Variants in CCDC171 observed in about 807,000 individuals in gnomAD.
CCDC171 encodes coiled-coil domain containing 171.
Under a neutral mutation model 168.2 loss-of-function variants are expected in CCDC171, and 177 were observed. That is an observed-to-expected ratio of 1.05 (90% CI 0.93 to 1.19). The LOEUF is 1.19. CCDC171 is among the 50% of genes most tolerant of loss of function. The pLI is 0.00. For missense variants in CCDC171, 1,991 were observed against 1,539.0 expected (o/e 1.29, Z -4.91); for synonymous variants, 687 against 540.8 (o/e 1.27, Z -3.75).
In CCDC171 at chr9:15,874,386, G is replaced by C. The variant is rs1003391175; in HGVS notation, c.3469-146G>C. The C allele has an allele frequency of 1.7e-4, 99 of 582,878 alleles. 1 individual carries two copies. Among genetic ancestry groups the C allele is most frequent in the South Asian group, 1.0e-3 (22 of 21,922 alleles). 36.1% of individuals were successfully genotyped at this position (582,878 alleles called of 1,614,324 possible). On this transcript the variant is annotated intron_variant, in intron 23 of 25. Transcript: ENST00000380701. Reference sequence around the variant, plus strand: ...TCTGAATTAGAGATTTATTTGCAACGAAAAATCAATTAGTCCTAAATTTAT... The same window carrying C: ...TCTGAATTAGAGATTTATTTGCAACCAAAAATCAATTAGTCCTAAATTTAT...
chr9:15,575,544 A>G (rs1450835134), intron 3 of CCDC171, among the ~76,000 whole-genome samples: 2 of 152,166 alleles, frequency 1.3e-5, no homozygotes, highest in Non-Finnish European at 1.5e-5. Context: ...GCTTGAAGAT[A>G]TTGTCTGACC....
chr9:15,694,603 C>G lies in CCDC171; in HGVS notation c.1216-632C>G, dbSNP rs144018898. 4.3e-4 allele frequency among the ~76,000 whole-genome samples: 66 copies of G among 152,324 alleles called. No individual in the cohort carries two copies. In the East Asian group the frequency reaches 0.012, roughly 28 times the overall value. Reference sequence around the variant, plus strand: ...CTAACTTAAATCTTGGGATCAGTCTCAACTCTTCTTTTTCTGCGTACTTCC... The same window carrying G: ...CTAACTTAAATCTTGGGATCAGTCTGAACTCTTCTTTTTCTGCGTACTTCC... On this transcript the variant is annotated intron_variant, in intron 10 of 25. Coordinates refer to ENST00000380701, the MANE Select transcript of CCDC171 (RefSeq NM_173550.4).
intron 3 of CCDC171, among the ~76,000 whole-genome samples, chr9:15,999,689 G>A (rs927996786): frequency 6.6e-6 from 1 of 152,128 alleles, no homozygotes; most frequent in East Asian, 1.9e-4. Context: ...CCTCCATCTG[G>A]ACACTTCATG....
chr9:15,672,954 C>A (rs2049232301), intron 9 of CCDC171, among the ~76,000 whole-genome samples: 1 of 152,292 alleles, frequency 6.6e-6, no homozygotes, highest in African/African-American at 2.4e-5. Context: ...GCAGTATAGC[C>A]ATTTTCATGA....
At chr9:15,687,496 C>G (rs78352528) in intron 10 of CCDC171, among the ~76,000 whole-genome samples, 4,249 of 150,448 alleles carry the variant, frequency 0.028, 196 homozygotes, top group African/African-American at 0.099. Context: ...GAAGAGCAAA[C>G]TAAACCCAAA....
chr9:16,033,689 C>T (rs1833408224), intron 6 of CCDC171, among the ~76,000 whole-genome samples: 1 of 152,142 alleles, frequency 6.6e-6, no homozygotes, highest in Middle Eastern at 3.4e-3. Flanking sequence ...TCCCCCTACC[C>T]CCCACCCCCT....
At chr9:15,724,731 G>C in intron 13 of CCDC171, 45 bp from the exon 14 acceptor site, 1 of 1,390,056 alleles carries the variant, frequency 7.2e-7, no homozygotes, top group Non-Finnish European at 1.0e-6. Flanking sequence ...CTCACCCCTT[G>C]TTGGCTGGCC....
intron 25 of CCDC171, among the ~76,000 whole-genome samples, chr9:15,956,782 G>T (rs1436880755): frequency 5.3e-5 from 8 of 152,102 alleles, no homozygotes; most frequent in Non-Finnish European, 1.2e-4. Flanking sequence ...GTCCATAAGT[G>T]CATGTTTATG....
intron 1 of CCDC171, among the ~76,000 whole-genome samples, chr9:16,056,376 G>A (rs1236370297): frequency 6.6e-6 from 1 of 152,244 alleles, no homozygotes; most frequent in East Asian, 1.9e-4. Flanking sequence ...GTATGACTGA[G>A]AAACTGGATT....
chr9:15,645,153 A>T (rs1023721215), intron 7 of CCDC171, among the ~76,000 whole-genome samples: 1 of 152,254 alleles, frequency 6.6e-6, no homozygotes, highest in African/African-American at 2.4e-5. Context: ...GACCTCCAGC[A>T]AACTCCAACA....
chr9:16,092,485 C>A, the CCDC171 span, among the ~76,000 whole-genome samples: 7 of 152,288 alleles, frequency 4.6e-5, no homozygotes, highest in East Asian at 1.4e-3. Flanking sequence ...TGCTCCACTT[C>A]CCCCTTTGTT....
chr9:16,055,620 A>C (rs528135742), intron 1 of CCDC171, among the ~76,000 whole-genome samples: 12 of 152,348 alleles, frequency 7.9e-5, no homozygotes, highest in Non-Finnish European at 1.3e-4. Flanking sequence ...CTTCTGCGTT[A>C]GCTTTTGGCA....
intron 24 of CCDC171, among the ~76,000 whole-genome samples, chr9:15,908,177 A>G (rs9650686): frequency 0.41 from 62,111 of 151,552 alleles, 12,889 homozygotes; most frequent in Non-Finnish European, 0.44. Flanking sequence ...AGGACTATAA[A>G]TCATGCTGCT....
At chr9:16,072,920 A>T in the CCDC171 span, among the ~76,000 whole-genome samples, 17 of 152,320 alleles carry the variant, frequency 1.1e-4, no homozygotes, top group South Asian at 3.5e-3. Context: ...CACCTTTGTT[A>T]TTCCTGCTAT....
intron 7 of CCDC171, among the ~76,000 whole-genome samples, chr9:15,649,084 A>T (rs904612016): frequency 2.0e-5 from 3 of 152,218 alleles, no homozygotes; most frequent in African/African-American, 7.2e-5. Context: ...AGCTCTCAGA[A>T]GTAATACCAC....
At chr9:15,742,248 G>C (rs1000480890) in intron 16 of CCDC171, among the ~76,000 whole-genome samples, 5 of 152,030 alleles carry the variant, frequency 3.3e-5, no homozygotes, top group African/African-American at 4.8e-5. Flanking sequence ...TAAGAATAGG[G>C]ACAGTTCCAG....
chr9:15,823,359 G>A (rs1391910433), intron 21 of CCDC171, among the ~76,000 whole-genome samples: 1 of 151,816 alleles, frequency 6.6e-6, no homozygotes. Context: ...AAGGTATATT[G>A]TCTTGCCTTG....
intron 6 of CCDC171, among the ~76,000 whole-genome samples, chr9:15,603,502 G>A (rs1164486452): frequency 1.3e-5 from 2 of 152,098 alleles, no homozygotes; most frequent in Admixed American, 1.3e-4. Context: ...AGAACATGCG[G>A]TATTTCGTTT....
intron 18 of CCDC171, chr9:15,776,279 G>A (rs2057323546): frequency 6.6e-6 from 1 of 152,128 alleles, no homozygotes; most frequent in East Asian, 1.9e-4. Flanking sequence ...TGCTGCCGAA[G>A]CGAGCACTTC....
Sources: gnomAD v4.1 joint callset for allele counts (sites outside exome capture counted in the v4.1 genomes callset) on GRCh38, gnomAD v4.1.1 for gene constraint, MANE v1.5 for transcripts, NCBI Gene and HGNC (gene_info 2026-07-23, HGNC 2026-07-21) for gene names.